The following SPECC1 variants were observed in gnomAD, a reference collection of about 807,000 sequenced individuals.
SPECC1 encodes the protein sperm antigen with calponin homology and coiled-coil domains 1, also known as cytospin-B.
In SPECC1, 62 loss-of-function variants were observed where a neutral mutation model predicts 104.1. That is an observed-to-expected ratio of 0.60 (90% confidence interval 0.49 to 0.74). The LOEUF is 0.74. SPECC1 is among the 30% of genes least tolerant of loss of function. The pLI, the probability that SPECC1 is intolerant of heterozygous loss-of-function variation, is 0.00. For missense variants in SPECC1, 1,306 were observed against 1,310.5 expected (o/e 1.00, Z 0.05); for synonymous variants, 513 against 501.6 (o/e 1.02, Z -0.30).
intron 1 of SPECC1, among the ~76,000 whole-genome samples, chr17:20,046,636 G>A (rs1350485990): frequency 1.3e-5 from 2 of 152,202 alleles, no homozygotes; most frequent in Non-Finnish European, 2.9e-5. Context: ...GGTCCATGGG[G>A]TCAAGGGGAG....
intron 12 of SPECC1, among the ~76,000 whole-genome samples, chr17:20,285,940 A>G (rs2040929860): frequency 6.6e-6 from 1 of 151,296 alleles, no homozygotes; most frequent in Non-Finnish European, 1.5e-5. Flanking sequence ...CAGCCTTCCC[A>G]GTAGCTGGGA....
At chr17:20,044,010 G>A (rs1030615219) in intron 1 of SPECC1, among the ~76,000 whole-genome samples, 1 of 152,028 alleles carries the variant, frequency 6.6e-6, no homozygotes, top group African/African-American at 2.4e-5. Context: ...CACTGTTTCT[G>A]GAACAGAGGA....
chr17:20,232,395 G>A lies in SPECC1; in HGVS notation c.2341G>A (p.Ala781Thr). 6.2e-7 allele frequency: 1 copy of A among 1,608,996 alleles called. No homozygotes were observed. The highest frequency in any genetic ancestry group is 8.5e-7 in the Non-Finnish European group (1 of 1,177,608). The change falls in exon 7 of 15, where the codon GCC becomes ACC. Residue 781 changes from alanine (A) to threonine (T), a missense_variant. Ala to Thr is a moderately conservative substitution (Grantham distance 58). This residue lies in a region of SPECC1 where 1,177 missense variants were observed against 1,139.9 expected (regional missense o/e 1.03). Coordinates refer to ENST00000395527, the MANE Select transcript of SPECC1 (RefSeq NM_001243439.2). ...QGHGRVVTSR[A>T]APPPVDEEPE... Reference sequence around the variant, plus strand: ...CCACGGCAGGGTGGTCACCAGCAGAGCCGCCCCTCCGTGAGTCTGGTGGGC... The same window carrying A: ...CCACGGCAGGGTGGTCACCAGCAGAACCGCCCCTCCGTGAGTCTGGTGGGC...
chr17:20,220,558 GT>G (rs34347184), intron 4 of SPECC1, among the ~76,000 whole-genome samples: 7,068 of 127,786 alleles, frequency 0.055, 122 homozygotes, highest in Non-Finnish European at 0.073. Flanking sequence ...GTTCTTAATA[GT>G]TTTTTTTTTT....
chr17:20,058,810 A>G (rs904614899), intron 1 of SPECC1, among the ~76,000 whole-genome samples: 41 of 144,796 alleles, frequency 2.8e-4, no homozygotes, highest in African/African-American at 7.9e-4. Context: ...ATTCAGCCAC[A>G]TTACATTTAT....
At chr17:20,089,754 A>G (rs1025169001) in intron 1 of SPECC1, among the ~76,000 whole-genome samples, 2 of 152,224 alleles carry the variant, frequency 1.3e-5, no homozygotes, top group African/African-American at 4.8e-5. Flanking sequence ...CTTAATGCCA[A>G]TCTGTGCTGG....
At chr17:20,120,853 A>C (rs1441242622) in intron 3 of SPECC1, among the ~76,000 whole-genome samples, 2 of 151,890 alleles carry the variant, frequency 1.3e-5, no homozygotes. Flanking sequence ...CCTGAAATCT[A>C]CTCCAGGAGA....
rs752143464 is a variant in SPECC1, at chr17:20,245,972, C to T, written c.2398C>T (p.Arg800Trp). Residue 800 changes from arginine (R) to tryptophan (W), a missense_variant, in exon 8 of 15, where the codon CGG becomes TGG. Arg to Trp is a moderately radical substitution (Grantham distance 101). Transcript: ENST00000395527. Reference protein sequence around the residue: ...PESSEVDAAGRWPGVCVSRTS... With the variant: ...PESSEVDAAGWWPGVCVSRTS... ...GTCCTCTGAGGTCGATGCTGCTGGT[C>T]GGTGGCCTGGTGTCTGTGTTAGCAG... is the stretch of plus-strand genomic sequence containing the variant. The T allele has an allele frequency of 4.3e-6, 7 of 1,614,134 alleles. No homozygotes were observed. The highest frequency in any genetic ancestry group is 2.2e-5 in the East Asian group (1 of 44,874).
chr17:20,198,121 T>G (rs1330960648), intron 3 of SPECC1, among the ~76,000 whole-genome samples: 2 of 152,190 alleles, frequency 1.3e-5, no homozygotes, highest in Non-Finnish European at 2.9e-5. Flanking sequence ...TTACTTTTTT[T>G]TGTTCTGGCC....
intron 1 of SPECC1, among the ~76,000 whole-genome samples, chr17:20,065,005 T>G (rs2046311999): frequency 6.6e-6 from 1 of 152,100 alleles, no homozygotes; most frequent in Non-Finnish European, 1.5e-5. Context: ...TTATAGATAC[T>G]AGAAAGAAGA....
At chr17:20,231,902 C>T in intron 6 of SPECC1, 71 bp downstream of exon 6, 2 of 1,462,634 alleles carry the variant, frequency 1.4e-6, no homozygotes, top group Non-Finnish European at 1.9e-6. Flanking sequence ...GGATCACTCT[C>T]TCTATCCTGC....
intron 4 of SPECC1, among the ~76,000 whole-genome samples, chr17:20,209,018 G>A (rs957156592): frequency 6.6e-6 from 1 of 152,138 alleles, no homozygotes; most frequent in African/African-American, 2.4e-5. Flanking sequence ...AGCTAATGAC[G>A]TGATCTGATA....
intron 3 of SPECC1, among the ~76,000 whole-genome samples, chr17:20,114,089 A>T (rs201882965): frequency 6.6e-6 from 1 of 152,224 alleles, no homozygotes; most frequent in Non-Finnish European, 1.5e-5. Context: ...CCACCAAAAA[A>T]GTATATATAA....
chr17:20,231,078 G>A (rs942446438), intron 5 of SPECC1, among the ~76,000 whole-genome samples: 3 of 152,192 alleles, frequency 2.0e-5, no homozygotes, highest in African/African-American at 7.2e-5. Context: ...GAATGACTCT[G>A]ATAGCCAGAT....
rs560914978 is a variant in SPECC1, at chr17:20,205,053, C to T, written c.1004C>T (p.Thr335Ile). ...SPDASDFEHI[T>I]AETPSRPLSS... ...GATGCTTCCGACTTTGAGCACATTA[C>T]AGCAGAGACACCCTCAAGGCCCCTG... is the stretch of plus-strand genomic sequence containing the variant. The change falls in exon 4 of 15, where the codon ACA (threonine) becomes ATA (isoleucine). Residue 335 changes from threonine (T) to isoleucine (I), a missense_variant. This residue lies in a region of SPECC1 where 1,177 missense variants were observed against 1,139.9 expected (regional missense o/e 1.03). Coordinates refer to ENST00000395527, the MANE Select transcript of SPECC1 (RefSeq NM_001243439.2). 6.2e-7 allele frequency: 1 copy of T among 1,614,176 alleles called. No individual in the cohort carries two copies. Among genetic ancestry groups the T allele is most frequent in the African/African-American group, 1.3e-5 (1 of 75,048 alleles).
chr17:20,021,555 C>T (rs745654862), intron 1 of SPECC1, among the ~76,000 whole-genome samples: 2 of 151,532 alleles, frequency 1.3e-5, no homozygotes, highest in African/African-American at 4.8e-5. Context: ...ACTGCCTGGT[C>T]GTGGTGTGTG....
At position 20,314,963 on chromosome 17, in the gene SPECC1, G is replaced by C. The variant is rs546318542; in HGVS notation, c.*898G>C. ...ACACCTCTGCCACCAAAGTCTGTGT[G>C]CTCCTGAGCAGCTCGCGGCTTTCAC... On this transcript the variant is annotated 3_prime_UTR_variant, in exon 15 of 15. Transcript: ENST00000395527. 12 of 232,508 alleles carry C rather than the reference G, an allele frequency of 5.2e-5. No individual in the cohort carries two copies. The East Asian group carries it at 7.3e-4, about 14-fold the overall frequency. 14.4% of individuals were successfully genotyped at this position (232,508 alleles called of 1,614,324 possible). A position where few individuals can be genotyped will look rare whatever the true frequency, so the allele number is the denominator to read the frequency against.
At chr17:20,137,740 A>C (rs931988507) in intron 3 of SPECC1, among the ~76,000 whole-genome samples, 2 of 152,018 alleles carry the variant, frequency 1.3e-5, no homozygotes, top group African/African-American at 4.8e-5. Flanking sequence ...ATCTTGGCTT[A>C]CTGCAACCTC....
chr17:20,067,317 G>A (rs2046392981), intron 1 of SPECC1: 1 of 151,816 alleles, frequency 6.6e-6, no homozygotes, highest in Non-Finnish European at 1.5e-5. Flanking sequence ...GCTGATTTTT[G>A]TATTTAGTAG....
Sources: allele counts gnomAD v4.1 joint callset (sites outside exome capture counted in the v4.1 genomes callset), GRCh38; gene constraint gnomAD v4.1.1; regional missense constraint gnomAD v4.1.1; transcripts MANE v1.5; gene names NCBI Gene and HGNC (gene_info 2026-07-23, HGNC 2026-07-21).